Variants in POLR3F observed in about 807,000 individuals in gnomAD.
The protein encoded by POLR3F is DNA-directed RNA polymerase III subunit RPC6.
Under a neutral mutation model 43.6 loss-of-function variants are expected in POLR3F, and 31 were observed. The observed-to-expected ratio is 0.71, with a 90% CI of 0.53 to 0.96. The LOEUF is 0.96. POLR3F is among the 40% of genes least tolerant of loss of function. The pLI, the probability that POLR3F is intolerant of heterozygous loss-of-function variation, is 0.00. For missense variants in POLR3F, 316 were observed against 391.7 expected, an observed-to-expected ratio of 0.81 and a Z score of 1.63; for synonymous variants, 114 against 132.5, an observed-to-expected ratio of 0.86 and a Z score of 0.96.
chr20:18,481,892 G>A, intron 8 of POLR3F, 82 bp downstream of exon 8: 2 of 811,960 alleles, frequency 2.5e-6, no homozygotes, highest in East Asian at 2.5e-5. Flanking sequence ...GCACAGCCCA[G>A]TTTTCTCAGA....
chr20:18,475,843 T>G (rs1004053409), intron 5 of POLR3F, among the ~76,000 whole-genome samples: 22 of 152,232 alleles, frequency 1.4e-4, no homozygotes, highest in Non-Finnish European at 2.6e-4. Context: ...TTACATATGT[T>G]GCTTCAAGTT....
Position 18,475,149 on chromosome 20 carries a change from G to T in POLR3F, c.391G>T (p.Glu131Ter), listed in dbSNP as rs1225371764. 29 of 1,538,186 alleles carry T rather than the reference G, an allele frequency of 1.9e-5. No homozygotes were observed. The highest frequency in any genetic ancestry group is 2.2e-5 in the Non-Finnish European group (25 of 1,111,976). Residue 131 changes from glutamate (E) to a stop codon, truncating the protein, a stop_gained, in exon 5 of 9, where the codon GAA (glutamate) becomes TAA (stop). Transcript: ENST00000377603. LOFTEE classifies it high-confidence loss of function. Reference protein sequence around the residue: ...TEINKILKNLESKKLIKAVKS... With the variant: ...TEINKILKNL ...AATCAACAAAATTCTGAAGAATCTGGAAAGTAAAAAGCTTATCAAAGCTGT... is the reference window on the plus strand; with the variant it reads ...AATCAACAAAATTCTGAAGAATCTGTAAAGTAAAAAGCTTATCAAAGCTGT...
intron 5 of POLR3F, among the ~76,000 whole-genome samples, chr20:18,478,314 C>A (rs1364960951): frequency 6.6e-6 from 1 of 151,890 alleles, no homozygotes; most frequent in Non-Finnish European, 1.5e-5. Context: ...CTCCTGGGCT[C>A]AAGCCATCCT....
chr20:18,471,911 G>T (rs1259250842), intron 2 of POLR3F, among the ~76,000 whole-genome samples: 1 of 152,212 alleles, frequency 6.6e-6, no homozygotes, highest in African/African-American at 2.4e-5. Flanking sequence ...GAACCCGGGA[G>T]GCAGAGGTTG....
At chr20:18,468,612 G>T (rs1055062145) in intron 1 of POLR3F, among the ~76,000 whole-genome samples, 2 of 152,008 alleles carry the variant, frequency 1.3e-5, no homozygotes, top group Non-Finnish European at 2.9e-5. Flanking sequence ...GCAGATTTAT[G>T]GCTTAACTTT....
At chr20:18,480,570 C>T in intron 7 of POLR3F, 61 bp downstream of exon 7, 1 of 947,770 alleles carries the variant, frequency 1.1e-6, no homozygotes, top group South Asian at 1.4e-5. Context: ...CAATGTATTC[C>T]AAACATGTAT....
In POLR3F at chr20:18,467,436, C is replaced by G; in HGVS notation, c.-71C>G. 6.4e-7 allele frequency: 1 copy of G among 1,565,540 alleles called. No individual in the cohort carries two copies. Among genetic ancestry groups the G allele is most frequent in the South Asian group, 1.1e-5 (1 of 90,044 alleles). ...GCAGAGCGCTATCCTCCACTGGTTC[C>G]CCGGGTTCCCCGGCTTGCTACCGGG... On this transcript the variant is annotated 5_prime_UTR_variant, in exon 1 of 9. Coordinates refer to ENST00000377603, the MANE Select transcript of POLR3F (RefSeq NM_006466.4).
rs2059824206 is a variant in POLR3F, at chr20:18,483,949, G to T, written c.*391G>T. ...TTATTTATTAAGTTCTTCATTGGAA[G>T]TTTTTTTTTATATCTGGTTCACTAC... On this transcript the variant is annotated 3_prime_UTR_variant, in exon 9 of 9. Coordinates refer to ENST00000377603, the MANE Select transcript of POLR3F (RefSeq NM_006466.4). The T allele has an allele frequency of 2.5e-6, 1 of 393,444 alleles. No homozygotes were observed. Among genetic ancestry groups the T allele is most frequent in the Non-Finnish European group, 4.5e-6 (1 of 223,714 alleles). 24.4% of individuals were successfully genotyped at this position (393,444 alleles called of 1,614,324 possible).
At chr20:18,467,600 A>T in intron 1 of POLR3F, 32 bp downstream of exon 1, 1 of 1,614,140 alleles carries the variant, frequency 6.2e-7, no homozygotes, top group Non-Finnish European at 8.5e-7. Context: ...TTGGCACTCC[A>T]TCAGGCGCCC....
chr20:18,467,713 T>A, intron 1 of POLR3F, 145 bp downstream of exon 1: 11 of 1,481,902 alleles, frequency 7.4e-6, no homozygotes, highest in Non-Finnish European at 9.9e-6. Flanking sequence ...CTGGACCCAC[T>A]TGTTCCTTCC....
Position 18,472,328 on chromosome 20 carries a change from C to T in POLR3F, c.181-514C>T, listed in dbSNP as rs140535874. Among the ~76,000 whole-genome samples, 739 of 152,082 alleles carry T rather than the reference C, an allele frequency of 4.9e-3. 6 individuals are homozygous for T. Among genetic ancestry groups the T allele is most frequent in the African/African-American group, 0.017 (698 of 41,486 alleles). On this transcript the variant is annotated intron_variant, in intron 2 of 8. Transcript: ENST00000377603. ...CCTTCCATGTAGCCGGGACTACAGGCGCATGCCACTGCACCTGGCTAATTT... is the reference window on the plus strand; with the variant it reads ...CCTTCCATGTAGCCGGGACTACAGGTGCATGCCACTGCACCTGGCTAATTT...
chr20:18,467,428 A>C lies in POLR3F; in HGVS notation c.-79A>C, dbSNP rs730203. The C allele has an allele frequency of 2.0e-6, 3 of 1,511,210 alleles. No homozygotes were observed. The South Asian group carries it at 3.4e-5, about 17-fold the overall frequency. The allele number at this position is 1,511,210 out of a possible 1,614,324, so 93.6% of individuals were successfully genotyped here. A position where few individuals can be genotyped will look rare whatever the true frequency, so the allele number is the denominator to read the frequency against. On this transcript the variant is annotated 5_prime_UTR_variant, in exon 1 of 9. Transcript: ENST00000377603. ...CGGCCTCAGCAGAGCGCTATCCTCCACTGGTTCCCCGGGTTCCCCGGCTTG... is the reference window on the plus strand; with the variant it reads ...CGGCCTCAGCAGAGCGCTATCCTCCCCTGGTTCCCCGGGTTCCCCGGCTTG...
intron 2 of POLR3F, chr20:18,470,653 C>A (rs951585476): frequency 1.3e-5 from 2 of 154,736 alleles, no homozygotes; most frequent in African/African-American, 4.8e-5. Context: ...GGAAAAAGTT[C>A]TTTTCTTCCT....
At chr20:18,483,181 C>T in intron 8 of POLR3F, among the ~76,000 whole-genome samples, 1 of 152,104 alleles carries the variant, frequency 6.6e-6, no homozygotes, top group East Asian at 1.9e-4. Context: ...TCTCCTGCCT[C>T]AGCCTCCCGA....
In POLR3F at chr20:18,467,450, C is replaced by G. The variant is rs992759916; in HGVS notation, c.-57C>G. 3.8e-6 allele frequency: 6 copies of G among 1,595,034 alleles called. No homozygotes were observed. In the African/African-American group the frequency reaches 5.4e-5, roughly 14 times the overall value. ...TCCACTGGTTCCCCGGGTTCCCCGG[C>G]TTGCTACCGGGCTGCTCCGTGCATC... On this transcript the variant is annotated 5_prime_UTR_variant, in exon 1 of 9. Transcript: ENST00000377603.
chr20:18,483,461 T>C lies in POLR3F; in HGVS notation c.874-20T>C, dbSNP rs758496935. ...TTTTAAAACTTTAATTTGAATATAA[T>C]TTTTTTTTCTTTTTTAAAGGTTTTT... On this transcript the variant is annotated intron_variant, in intron 8 of 8. Transcript: ENST00000377603. 7 of 1,184,942 alleles carry C rather than the reference T, an allele frequency of 5.9e-6. No individual in the cohort carries two copies. The highest frequency in any genetic ancestry group is 8.5e-6 in the Non-Finnish European group (7 of 827,608). 73.4% of individuals were successfully genotyped at this position (1,184,942 alleles called of 1,614,324 possible).
chr20:18,467,566 CAGGT>C lies in POLR3F; in HGVS notation c.62_62+3del. On this transcript the variant is annotated splice_donor_variant and coding_sequence_variant, in exon 1 of 9. Coordinates refer to ENST00000377603, the MANE Select transcript of POLR3F (RefSeq NM_006466.4). LOFTEE classifies it high-confidence loss of function. ...ACGCGGATCCGGTCGAAATAGAAAACAGGTAAACCAGTGAGGCTCCGGCTTGGCA... is the reference window on the plus strand; with the variant it reads ...ACGCGGATCCGGTCGAAATAGAAAACAAACCAGTGAGGCTCCGGCTTGGCA... 1 of 1,614,228 alleles carries C rather than the reference CAGGT, an allele frequency of 6.2e-7. No individual in the cohort carries two copies. The highest frequency in any genetic ancestry group is 8.5e-7 in the Non-Finnish European group (1 of 1,180,026).
At chr20:18,468,034 G>C (rs1378513992) in intron 1 of POLR3F, among the ~76,000 whole-genome samples, 2 of 152,138 alleles carry the variant, frequency 1.3e-5, no homozygotes, top group African/African-American at 4.8e-5. Flanking sequence ...GTGCAGTATT[G>C]AACTCAAGAC....
At chr20:18,483,169 A>G (rs1335223175) in intron 8 of POLR3F, among the ~76,000 whole-genome samples, 3 of 151,756 alleles carry the variant, frequency 2.0e-5, no homozygotes, top group Admixed American at 2.0e-4. Context: ...GGTTCAAGCA[A>G]TTCTCCTGCC....
Sources: allele counts gnomAD v4.1 joint callset (sites outside exome capture counted in the v4.1 genomes callset), GRCh38; gene constraint gnomAD v4.1.1; transcripts MANE v1.5; gene names NCBI Gene and HGNC (gene_info 2026-07-23, HGNC 2026-07-21).